Variants in SPAG16 observed in about 807,000 individuals in gnomAD.
SPAG16 encodes the protein sperm associated antigen 16, also known as sperm-associated antigen 16 protein.
In SPAG16, 86 loss-of-function variants were observed where a neutral mutation model predicts 80.4. The ratio of observed to expected loss-of-function variants is 1.07; its 90% CI spans 0.90 to 1.28. SPAG16 has a LOEUF of 1.28. Among genes scored for constraint, SPAG16 ranks in the 50% most tolerant of loss-of-function variants. The pLI, the probability that SPAG16 is intolerant of heterozygous loss-of-function variation, is 0.00. For synonymous variants in SPAG16, 294 were observed against 265.9 expected, an observed-to-expected ratio of 1.11 and a Z score of -1.03; for missense variants, 870 against 765.3, an observed-to-expected ratio of 1.14 and a Z score of -1.61.
chr2:213,499,745 C>G (rs1037803792), intron 10 of SPAG16, among the ~76,000 whole-genome samples: 3 of 152,136 alleles, frequency 2.0e-5, no homozygotes, highest in African/African-American at 7.2e-5. Context: ...GTCATATGCT[C>G]ATGACCAAAT....
intron 4 of SPAG16, among the ~76,000 whole-genome samples, chr2:213,310,477 G>A (rs561457403): frequency 4.0e-4 from 61 of 151,778 alleles, no homozygotes; most frequent in Non-Finnish European, 7.8e-4. Flanking sequence ...ATCTCCTGGA[G>A]TTATAAAACA....
chr2:213,961,527 T>A (rs1241303106), intron 12 of SPAG16, among the ~76,000 whole-genome samples: 1 of 53,842 alleles, frequency 1.9e-5, no homozygotes, highest in Non-Finnish European at 3.6e-5. Flanking sequence ...TTGTTAGCTA[T>A]TTTTTTTTTG....
At chr2:214,222,397 G>T (rs1332063206) in intron 15 of SPAG16, among the ~76,000 whole-genome samples, 1 of 152,068 alleles carries the variant, frequency 6.6e-6, no homozygotes, top group Non-Finnish European at 1.5e-5. Flanking sequence ...GATTACAGGC[G>T]TGAGCCACCA....
chr2:213,761,008 T>G (rs571345210), intron 10 of SPAG16, among the ~76,000 whole-genome samples: 1 of 152,182 alleles, frequency 6.6e-6, no homozygotes, highest in Non-Finnish European at 1.5e-5. Flanking sequence ...CACTCACCCC[T>G]TATTTGGCTC....
chr2:214,314,735 T>C (rs1227526464), intron 15 of SPAG16, among the ~76,000 whole-genome samples: 1 of 125,432 alleles, frequency 8.0e-6, no homozygotes, highest in Non-Finnish European at 1.8e-5. Flanking sequence ...TGTAATAAGT[T>C]GGAAATGTTT....
intron 10 of SPAG16, among the ~76,000 whole-genome samples, chr2:213,690,817 C>A (rs1018866946): frequency 6.6e-6 from 1 of 152,296 alleles, no homozygotes; most frequent in South Asian, 2.1e-4. Flanking sequence ...GTACCAGCAA[C>A]CTCCCAGGGG....
At chr2:213,625,676 GTTTGTTTTTGTT>G (rs968525858) in intron 10 of SPAG16, among the ~76,000 whole-genome samples, 3 of 150,716 alleles carry the variant, frequency 2.0e-5, no homozygotes, top group South Asian at 4.2e-4. Flanking sequence ...TCTTTTTTTT[GTTTGTTTTTGTT>G]TTTGTTTTTG....
At chr2:213,522,979 A>G (rs1298572341) in intron 10 of SPAG16, among the ~76,000 whole-genome samples, 2 of 152,108 alleles carry the variant, frequency 1.3e-5, no homozygotes, top group African/African-American at 2.4e-5. Context: ...TTTAATAACT[A>G]TTAATAGCCC....
At chr2:214,040,841 C>T (rs766524846) in intron 13 of SPAG16, among the ~76,000 whole-genome samples, 4 of 152,118 alleles carry the variant, frequency 2.6e-5, no homozygotes, top group Non-Finnish European at 2.9e-5. Context: ...TCAATTTTCT[C>T]TGCTACTCAT....
At chr2:213,599,298 C>G (rs202114829) in intron 10 of SPAG16, among the ~76,000 whole-genome samples, 1 of 152,180 alleles carries the variant, frequency 6.6e-6, no homozygotes, top group Non-Finnish European at 1.5e-5. Context: ...AAATTACTTA[C>G]AATTCCAAAC....
chr2:214,381,883 A>G (rs1395253445), intron 15 of SPAG16, among the ~76,000 whole-genome samples: 6 of 152,224 alleles, frequency 3.9e-5, no homozygotes, highest in Admixed American at 6.5e-5. Context: ...TGCCCCTATT[A>G]TCTGGAGTGT....
chr2:214,250,283 AAAAT>A (rs1205765586), intron 15 of SPAG16: 2 of 152,140 alleles, frequency 1.3e-5, no homozygotes, highest in East Asian at 3.8e-4. Context: ...ATGTTTCTGA[AAAAT>A]AAATCTCAAA....
chr2:213,687,182 A>G (rs2125281874), intron 10 of SPAG16, among the ~76,000 whole-genome samples: 1 of 152,266 alleles, frequency 6.6e-6, no homozygotes, highest in East Asian at 1.9e-4. Context: ...AGTATGAGGA[A>G]CTTGTAAGAA....
At chr2:213,787,143 T>A (rs748308528) in intron 10 of SPAG16, among the ~76,000 whole-genome samples, 2 of 152,120 alleles carry the variant, frequency 1.3e-5, no homozygotes, top group African/African-American at 2.4e-5. Context: ...GATGGGTTGA[T>A]AGGTGCAGCA....
intron 10 of SPAG16, among the ~76,000 whole-genome samples, chr2:213,785,874 G>A (rs2070308816): frequency 6.6e-6 from 1 of 151,982 alleles, no homozygotes; most frequent in Non-Finnish European, 1.5e-5. Context: ...GGGCATGGTG[G>A]CACTTGCCTA....
chr2:214,387,779 T>C (rs944390380), intron 15 of SPAG16, among the ~76,000 whole-genome samples: 35 of 152,252 alleles, frequency 2.3e-4, no homozygotes, highest in African/African-American at 8.2e-4. Context: ...GGAAGCCCCT[T>C]ATAAAACATC....
At chr2:213,312,352 A>C (rs552222750) in intron 4 of SPAG16, among the ~76,000 whole-genome samples, 20 of 151,748 alleles carry the variant, frequency 1.3e-4, no homozygotes, top group African/African-American at 4.8e-4. Context: ...CAGGGGGGAA[A>C]AATTAAAGAA....
chr2:213,545,226 G>A (rs1179119945), intron 10 of SPAG16, among the ~76,000 whole-genome samples: 1 of 152,116 alleles, frequency 6.6e-6, no homozygotes, highest in Non-Finnish European at 1.5e-5. Context: ...ATATGATGTA[G>A]AACATCATTT....
intron 13 of SPAG16, among the ~76,000 whole-genome samples, chr2:214,042,677 C>G (rs554139474): frequency 6.6e-6 from 1 of 152,112 alleles, no homozygotes; most frequent in Admixed American, 6.5e-5. Context: ...TGTCTTCACA[C>G]TTTCTTTTCC....
Sources: gnomAD v4.1 joint callset for allele counts (sites outside exome capture counted in the v4.1 genomes callset) on GRCh38, gnomAD v4.1.1 for gene constraint, MANE v1.5 for transcripts, NCBI Gene and HGNC (gene_info 2026-07-23, HGNC 2026-07-21) for gene names.